The following SFMBT2 variants were observed in gnomAD, a reference collection of about 807,000 sequenced individuals.
SFMBT2 encodes the protein scm-like with four MBT domains protein 2.
A neutral mutation model predicts 110.1 loss-of-function variants in SFMBT2; 38 were observed. That is an observed-to-expected ratio of 0.35 (90% CI 0.27 to 0.45). The LOEUF is 0.45. SFMBT2 is among the 20% of genes least tolerant of loss of function. The pLI is 1.00. For missense variants in SFMBT2, 1,011 were observed against 1,094.9 expected (o/e 0.92, Z 1.08); for synonymous variants, 425 against 425.4 (o/e 1.00, Z 0.01).
chr10:7,164,744 GAA>G (rs1185325617), intron 20 of SFMBT2, among the ~76,000 whole-genome samples: 1 of 122,238 alleles, frequency 8.2e-6, no homozygotes, highest in Admixed American at 8.2e-5. Context: ...TCCATAAAGG[GAA>G]ACACACACAC....
intron 4 of SFMBT2, among the ~76,000 whole-genome samples, chr10:7,290,313 CAAGGTTTTA>C (rs1842226554): frequency 6.6e-6 from 1 of 151,052 alleles, no homozygotes; most frequent in African/African-American, 2.4e-5. Context: ...AACATTTTTT[CAAGGTTTTA>C]CTTAGTTATA....
At chr10:7,335,033 A>G (rs1014846997) in intron 4 of SFMBT2, among the ~76,000 whole-genome samples, 36 of 152,204 alleles carry the variant, frequency 2.4e-4, no homozygotes, top group Non-Finnish European at 3.7e-4. Context: ...CGGAGGGGGG[A>G]AAAGGAATCT....
intron 1 of SFMBT2, among the ~76,000 whole-genome samples, chr10:7,383,035 T>A (rs1845471156): frequency 6.6e-6 from 1 of 152,178 alleles, no homozygotes; most frequent in Admixed American, 6.5e-5. Flanking sequence ...TTTCTCTCAT[T>A]CATTCAATGT....
At chr10:7,315,114 GCAAGCA>G (rs1564435724) in intron 4 of SFMBT2, among the ~76,000 whole-genome samples, 89 of 116,356 alleles carry the variant, frequency 7.6e-4, no homozygotes, top group Non-Finnish European at 1.5e-3. Flanking sequence ...GAAAGAAAAA[GCAAGCA>G]AGCAAGCCAG....
At chr10:7,289,949 T>C (rs963551668) in intron 4 of SFMBT2, among the ~76,000 whole-genome samples, 3 of 152,314 alleles carry the variant, frequency 2.0e-5, no homozygotes, top group East Asian at 1.9e-4. Flanking sequence ...TTTAAAACTA[T>C]AAACTTTATT....
intron 4 of SFMBT2, among the ~76,000 whole-genome samples, chr10:7,362,132 G>A (rs1035135922): frequency 1.8e-4 from 28 of 152,208 alleles, no homozygotes; most frequent in East Asian, 1.3e-3. Flanking sequence ...AATCCTCCGC[G>A]GCACTGGGTG....
At chr10:7,180,295 A>ATTTT (rs35437776) in intron 16 of SFMBT2, among the ~76,000 whole-genome samples, 9 of 143,770 alleles carry the variant, frequency 6.3e-5, no homozygotes, top group Admixed American at 3.4e-4. Context: ...TATAGTGGTA[A>ATTTT]TTTTTTTTTT....
Position 7,312,291 on chromosome 10 carries a change from A to G in SFMBT2, c.437-26337T>C, listed in dbSNP as rs898219310. On this transcript the variant is annotated intron_variant, in intron 4 of 20. Coordinates refer to ENST00000397167, the MANE Select transcript of SFMBT2 (RefSeq NM_001387889.1). ...GGCTTGTAGGAGTAGTAACGGCATC[A>G]ACAGGGCTCTAGAGGTCCGAGGGAG... is the stretch of plus-strand genomic sequence containing the variant. Among the ~76,000 whole-genome samples the G allele has an allele frequency of 4.8e-4, 73 of 152,336 alleles. 1 individual carries two copies. The highest frequency in any genetic ancestry group is 3.4e-3 in the Middle Eastern group (1 of 294).
intron 4 of SFMBT2, among the ~76,000 whole-genome samples, chr10:7,358,090 T>C (rs182887090): frequency 9.6e-4 from 144 of 150,764 alleles, no homozygotes; most frequent in South Asian, 2.1e-3. Context: ...AACATCTGCA[T>C]GGCCCTGTGA....
chr10:7,198,254 CTTCT>C, intron 14 of SFMBT2: 1 of 523,918 alleles, frequency 1.9e-6, no homozygotes, highest in Non-Finnish European at 2.4e-6. Context: ...CATTTTTTTA[CTTCT>C]TTGACTCTAT....
chr10:7,206,751 T>G (rs1235434160), intron 11 of SFMBT2: 1 of 721,048 alleles, frequency 1.4e-6, no homozygotes, highest in African/African-American at 1.9e-5. Context: ...GAGCTCTGGC[T>G]ATGGAGAGAA....
intron 9 of SFMBT2, among the ~76,000 whole-genome samples, chr10:7,240,906 A>G (rs1440564621): frequency 2.0e-5 from 3 of 152,176 alleles, no homozygotes; most frequent in African/African-American, 7.2e-5. Flanking sequence ...TTCCTGAACT[A>G]ATGATATTTA....
intron 4 of SFMBT2, among the ~76,000 whole-genome samples, chr10:7,356,585 G>A (rs1844522654): frequency 6.6e-6 from 1 of 152,092 alleles, no homozygotes; most frequent in African/African-American, 2.4e-5. Flanking sequence ...GCTAATTTTT[G>A]TATTTTTAAT....
intron 8 of SFMBT2, 108 bp downstream of exon 8, chr10:7,248,440 T>C (rs1159995897): frequency 8.9e-6 from 8 of 901,464 alleles, no homozygotes; most frequent in Non-Finnish European, 1.0e-5. Flanking sequence ...TCGCCTGGCA[T>C]TGCTGATAGC....
intron 20 of SFMBT2, among the ~76,000 whole-genome samples, chr10:7,166,028 T>C (rs1161236193): frequency 1.3e-5 from 2 of 152,154 alleles, no homozygotes; most frequent in Non-Finnish European, 2.9e-5. Context: ...GTCTTCCAGG[T>C]ACCATGGGCC....
At chr10:7,319,732 G>A (rs1307158446) in intron 4 of SFMBT2, among the ~76,000 whole-genome samples, 1 of 148,090 alleles carries the variant, frequency 6.8e-6, no homozygotes, top group Non-Finnish European at 1.5e-5. Context: ...CAGAGAGAGA[G>A]GAAGATAGAG....
intron 4 of SFMBT2, among the ~76,000 whole-genome samples, chr10:7,339,150 G>C (rs936570006): frequency 6.6e-6 from 1 of 152,154 alleles, no homozygotes; most frequent in Admixed American, 6.5e-5. Context: ...TGAGGCAGAA[G>C]AATCACTTGA....
At chr10:7,278,173 C>T (rs1000343195) in intron 6 of SFMBT2, among the ~76,000 whole-genome samples, 2 of 152,136 alleles carry the variant, frequency 1.3e-5, no homozygotes, top group African/African-American at 4.8e-5. Context: ...CTAGTTTGGC[C>T]TTTCTAAATT....
At chr10:7,266,279 G>C (rs1006693502) in intron 7 of SFMBT2, among the ~76,000 whole-genome samples, 7 of 151,996 alleles carry the variant, frequency 4.6e-5, no homozygotes, top group African/African-American at 1.7e-4. Flanking sequence ...TAGTAGAGAT[G>C]GGGTTTCACC....
Sources: gnomAD v4.1 joint callset for allele counts (sites outside exome capture counted in the v4.1 genomes callset) on GRCh38, gnomAD v4.1.1 for gene constraint, MANE v1.5 for transcripts, NCBI Gene and HGNC (gene_info 2026-07-23, HGNC 2026-07-21) for gene names.